SEMA4D: variants seen among roughly 807,000 people sequenced by gnomAD.
The protein encoded by SEMA4D is semaphorin 4D, also known as semaphorin-4D.
Under a neutral mutation model 74.8 loss-of-function variants are expected in SEMA4D, and 22 were observed. That is an observed-to-expected ratio of 0.29 (90% CI 0.21 to 0.42). SEMA4D has a LOEUF of 0.42. SEMA4D is among the 10% of genes least tolerant of loss of function. The probability of loss-of-function intolerance (pLI) is 1.00; values close to 1 mark genes in which losing one functional copy is unlikely to be tolerated. For missense variants in SEMA4D, 937 were observed against 1,118.4 expected, an observed-to-expected ratio of 0.84 and a Z score of 2.31; for synonymous variants, 445 against 463.7, an observed-to-expected ratio of 0.96 and a Z score of 0.52.
chr9:89,405,650 C>T lies in SEMA4D; in HGVS notation c.-194G>A. 7.0e-7 allele frequency: 1 copy of T among 1,426,378 alleles called. No individual in the cohort carries two copies. The highest frequency in any genetic ancestry group is 9.1e-7 in the Non-Finnish European group (1 of 1,094,300). 88.4% of individuals were successfully genotyped at this position (1,426,378 alleles called of 1,614,324 possible). A position where few individuals can be genotyped will look rare whatever the true frequency, so the allele number is the denominator to read the frequency against. On this transcript the variant is annotated 5_prime_UTR_variant, in exon 3 of 16. It adds an upstream start codon to the 5' untranslated region. Coordinates refer to ENST00000422704, the MANE Select transcript of SEMA4D (RefSeq NM_001371194.2). ...AGGTGAGGAGGGGTCGCTCTCACCACCGCAATGTCAAAGCCCACTTGATAC... is the reference window on the plus strand; with the variant it reads ...AGGTGAGGAGGGGTCGCTCTCACCATCGCAATGTCAAAGCCCACTTGATAC...
At chr9:89,482,003 C>T (rs563659551) in intron 1 of SEMA4D, among the ~76,000 whole-genome samples, 143 of 152,348 alleles carry the variant, frequency 9.4e-4, no homozygotes, top group African/African-American at 3.1e-3. Context: ...CTGTCGATGA[C>T]CTTCCCTTGA....
Position 89,462,005 on chromosome 9 carries a change from G to A in SEMA4D, c.-309-6052C>T, listed in dbSNP as rs189767978. Among the ~76,000 whole-genome samples the A allele has an allele frequency of 4.6e-5, 7 of 152,146 alleles. No homozygotes were observed. In the East Asian group the frequency reaches 7.7e-4, roughly 17 times the overall value. ...CATGAGACACTGTGCCTGGCCTGAT[G>A]TATATTTCTTGAACAACAAATGGGT... On this transcript the variant is annotated intron_variant, in intron 1 of 15. Transcript: ENST00000422704.
chr9:89,388,052 T>C (rs1390260790), intron 11 of SEMA4D, among the ~76,000 whole-genome samples: 2 of 152,200 alleles, frequency 1.3e-5, no homozygotes, highest in African/African-American at 4.8e-5. Context: ...TCTGTGACCA[T>C]GAGTGAACAC....
intron 2 of SEMA4D, among the ~76,000 whole-genome samples, chr9:89,407,058 G>A (rs1224573133): frequency 6.7e-6 from 1 of 149,068 alleles, no homozygotes; most frequent in East Asian, 2.0e-4. Context: ...ACTCATCTGA[G>A]CAATGCTCAC....
intron 1 of SEMA4D, among the ~76,000 whole-genome samples, chr9:89,471,048 A>G (rs908533468): frequency 4.6e-5 from 7 of 152,266 alleles, no homozygotes; most frequent in Non-Finnish European, 7.3e-5. Context: ...TAATTTTAAA[A>G]GTAAAGGAAA....
chr9:89,497,104 C>T (rs568710701), intron 1 of SEMA4D, among the ~76,000 whole-genome samples: 2 of 152,352 alleles, frequency 1.3e-5, no homozygotes, highest in Admixed American at 1.3e-4. Flanking sequence ...CCCATTCACC[C>T]ACTCTCCCAC....
chr9:89,407,097 T>A (rs186002465), intron 2 of SEMA4D, among the ~76,000 whole-genome samples: 9 of 152,262 alleles, frequency 5.9e-5, no homozygotes, highest in Admixed American at 5.2e-4. Context: ...GCTTCCATGG[T>A]AGAGATCACT....
intron 2 of SEMA4D, among the ~76,000 whole-genome samples, chr9:89,436,091 G>A (rs1850339923): frequency 2.0e-5 from 3 of 152,110 alleles, no homozygotes; most frequent in Admixed American, 1.3e-4. Context: ...TGTCTTCAAA[G>A]CACAGAAGTG....
intron 16 of SEMA4D, among the ~76,000 whole-genome samples, chr9:89,371,968 G>GGT (rs879516423): frequency 2.9e-3 from 379 of 131,706 alleles, no homozygotes; most frequent in Non-Finnish European, 3.3e-3. Context: ...GTGTGTGTGG[G>GGT]GTGTGGTGTG....
intron 2 of SEMA4D, among the ~76,000 whole-genome samples, chr9:89,427,110 C>T (rs556093509): frequency 2.0e-5 from 3 of 152,202 alleles, no homozygotes; most frequent in African/African-American, 2.4e-5. Flanking sequence ...GAGGTAGATA[C>T]ACTCTACTCT....
intron 1 of SEMA4D, among the ~76,000 whole-genome samples, chr9:89,479,278 C>G (rs1253350322): frequency 1.3e-5 from 2 of 152,212 alleles, no homozygotes; most frequent in Non-Finnish European, 2.9e-5. Context: ...AGATCCACAG[C>G]AAGGGGACAG....
intron 2 of SEMA4D, among the ~76,000 whole-genome samples, chr9:89,445,636 T>A (rs1262799879): frequency 6.6e-6 from 1 of 152,098 alleles, no homozygotes; most frequent in Non-Finnish European, 1.5e-5. Context: ...TATTATGTGC[T>A]CGGCTCACGT....
chr9:89,444,273 A>C (rs1272439240), intron 2 of SEMA4D, among the ~76,000 whole-genome samples: 1 of 151,834 alleles, frequency 6.6e-6, no homozygotes, highest in Non-Finnish European at 1.5e-5. Flanking sequence ...CAGTGTACCC[A>C]CCCTTATCAT....
intron 1 of SEMA4D, chr9:89,472,628 G>A: frequency 5.2e-6 from 1 of 193,496 alleles, no homozygotes; most frequent in Non-Finnish European, 1.1e-5. Context: ...AATGATGTCG[G>A]TGCTTAATGA....
intron 1 of SEMA4D, among the ~76,000 whole-genome samples, chr9:89,495,486 T>C (rs1335126158): frequency 2.0e-5 from 3 of 152,082 alleles, no homozygotes; most frequent in African/African-American, 7.2e-5. Flanking sequence ...GCTGAGGAAC[T>C]GCACCTGCCA....
intron 13 of SEMA4D, chr9:89,384,946 G>A (rs1838097437): frequency 7.1e-6 from 7 of 985,428 alleles, no homozygotes; most frequent in Non-Finnish European, 8.4e-6. Context: ...ATGTATTTCC[G>A]CTTGTCCAGG....
intron 2 of SEMA4D, among the ~76,000 whole-genome samples, chr9:89,417,140 A>G (rs986979324): frequency 1.3e-5 from 2 of 152,240 alleles, no homozygotes; most frequent in African/African-American, 2.4e-5. Context: ...AATATTTTTT[A>G]TGAAGAGACT....
At chr9:89,457,772 G>A (rs936869383) in intron 1 of SEMA4D, among the ~76,000 whole-genome samples, 6 of 151,990 alleles carry the variant, frequency 3.9e-5, no homozygotes, top group African/African-American at 1.5e-4. Context: ...GGTGGCTCAT[G>A]CCTGTAATCC....
chr9:89,464,829 G>A (rs926908204), intron 1 of SEMA4D, among the ~76,000 whole-genome samples: 3 of 151,934 alleles, frequency 2.0e-5, no homozygotes, highest in Admixed American at 6.6e-5. Flanking sequence ...CACGGGGTGT[G>A]GGGGGAGGGT....
Sources: allele counts gnomAD v4.1 joint callset (sites outside exome capture counted in the v4.1 genomes callset), GRCh38; gene constraint gnomAD v4.1.1; transcripts MANE v1.5; gene names NCBI Gene and HGNC (gene_info 2026-07-23, HGNC 2026-07-21).